ANKS1B: variants seen among roughly 807,000 people sequenced by gnomAD.
ANKS1B encodes ankyrin repeat and sterile alpha motif domain containing 1B, also known as ankyrin repeat and sterile alpha motif domain-containing protein 1B.
In ANKS1B, 36 loss-of-function variants were observed where a neutral mutation model predicts 148.3. The ratio of observed to expected loss-of-function variants is 0.24; its 90% CI spans 0.19 to 0.32. ANKS1B has a LOEUF of 0.32. Among genes scored for constraint, ANKS1B ranks in the 10% least tolerant of loss-of-function variants. The probability of loss-of-function intolerance (pLI) is 1.00; values close to 1 mark genes in which losing one functional copy is unlikely to be tolerated. For synonymous variants in ANKS1B, 542 were observed against 560.8 expected (o/e 0.97, Z 0.47); for missense variants, 1,157 against 1,542.6 (o/e 0.75, Z 4.19).
intron 12 of ANKS1B, among the ~76,000 whole-genome samples, chr12:99,248,649 C>T (rs2712642): frequency 0.84 from 127,934 of 152,170 alleles, 54,391 homozygotes; most frequent in East Asian, 1. Flanking sequence ...CAATTCTCTC[C>T]AAAGACTAGA....
chr12:99,663,216 G>A (rs2098486305), intron 8 of ANKS1B, among the ~76,000 whole-genome samples: 1 of 152,074 alleles, frequency 6.6e-6, no homozygotes, highest in South Asian at 2.1e-4. Context: ...TGATAGGTCA[G>A]TGATCATATT....
At chr12:99,816,484 T>C (rs1367850914) in intron 2 of ANKS1B, among the ~76,000 whole-genome samples, 2 of 151,922 alleles carry the variant, frequency 1.3e-5, no homozygotes, top group Middle Eastern at 3.4e-3. Flanking sequence ...TTGGTTTAAT[T>C]AGGTCCCATT....
chr12:98,744,473 G>A lies in ANKS1B; in HGVS notation c.*1266C>T, dbSNP rs933114849. On this transcript the variant is annotated 3_prime_UTR_variant, in exon 27 of 27. Transcript: ENST00000683438. ...TTGTTAGAACAATATACATTAAAAT[G>A]TTATTTTTTTCTATAATGATATTGG... 8 of 682,854 alleles carry A rather than the reference G, an allele frequency of 1.2e-5. No homozygotes were observed. The highest frequency in any genetic ancestry group is 1.2e-4 in the African/African-American group (6 of 51,320). The allele number at this position is 682,854 out of a possible 1,614,324, so 42.3% of individuals were successfully genotyped here.
intron 9 of ANKS1B, among the ~76,000 whole-genome samples, chr12:99,513,225 AT>A (rs2096784373): frequency 6.6e-6 from 1 of 151,988 alleles, no homozygotes; most frequent in Admixed American, 6.6e-5. Context: ...TTAATTAGGT[AT>A]GTACTCTTTT....
intron 14 of ANKS1B, among the ~76,000 whole-genome samples, chr12:99,226,937 G>C (rs2086038236): frequency 6.6e-6 from 1 of 152,182 alleles, no homozygotes; most frequent in African/African-American, 2.4e-5. Flanking sequence ...AGGTAAAATT[G>C]AGTGACAGGG....
chr12:99,506,544 A>AG (rs1463804752), intron 9 of ANKS1B, among the ~76,000 whole-genome samples: 4 of 152,032 alleles, frequency 2.6e-5, no homozygotes, highest in Non-Finnish European at 5.9e-5. Context: ...AAATGATGAA[A>AG]GGAACTGCAG....
At chr12:99,755,016 G>A (rs1052026128) in intron 8 of ANKS1B, among the ~76,000 whole-genome samples, 3 of 151,578 alleles carry the variant, frequency 2.0e-5, no homozygotes, top group African/African-American at 7.3e-5. Context: ...AATTTAAGGA[G>A]ATTGAGACAC....
chr12:99,519,113 G>A (rs1050558107), intron 9 of ANKS1B, among the ~76,000 whole-genome samples: 1 of 152,000 alleles, frequency 6.6e-6, no homozygotes, highest in Non-Finnish European at 1.5e-5. Context: ...TTGGTTGAAT[G>A]TTTTCAAATT....
chr12:98,887,795 T>C (rs2031671213), intron 17 of ANKS1B, among the ~76,000 whole-genome samples: 1 of 152,170 alleles, frequency 6.6e-6, no homozygotes, highest in South Asian at 2.1e-4. Flanking sequence ...ATATTTTTAG[T>C]AGAGACAGGA....
At chr12:99,042,678 AT>A (rs1232905512) in intron 17 of ANKS1B, among the ~76,000 whole-genome samples, 1 of 152,188 alleles carries the variant, frequency 6.6e-6, no homozygotes, top group South Asian at 2.1e-4. Flanking sequence ...ATTGAATGCT[AT>A]TTGCAAAGCA....
chr12:98,962,248 T>C (rs1341518090), intron 17 of ANKS1B, among the ~76,000 whole-genome samples: 1 of 151,124 alleles, frequency 6.6e-6, no homozygotes, highest in Non-Finnish European at 1.5e-5. Flanking sequence ...AAATATACTA[T>C]GCAAATGTAA....
rs182810909 is a variant in ANKS1B, at chr12:99,502,020, T to C, written c.1438+2456A>G. On this transcript the variant is annotated intron_variant, in intron 10 of 26. Coordinates refer to ENST00000683438, the MANE Select transcript of ANKS1B (RefSeq NM_001352186.2). Reference sequence around the variant, plus strand: ...TGATCAGCCTTGTTATCTGTGTCCATGTCATTTTCATCCTTGTATCCTCAG... The same window carrying C: ...TGATCAGCCTTGTTATCTGTGTCCACGTCATTTTCATCCTTGTATCCTCAG... 1.4e-3 allele frequency among the ~76,000 whole-genome samples: 216 copies of C among 152,288 alleles called. 1 individual carries two copies. Among genetic ancestry groups the C allele is most frequent in the South Asian group, 1.5e-3 (7 of 4,818 alleles).
chr12:98,928,883 A>G (rs767294776), intron 17 of ANKS1B, among the ~76,000 whole-genome samples: 2 of 152,018 alleles, frequency 1.3e-5, no homozygotes, highest in Non-Finnish European at 2.9e-5. Flanking sequence ...TTCCCAAGAC[A>G]AAGCTAGCTA....
intron 9 of ANKS1B, among the ~76,000 whole-genome samples, chr12:99,594,230 A>G (rs2153266054): frequency 6.6e-6 from 1 of 152,254 alleles, no homozygotes; most frequent in South Asian, 2.1e-4. Flanking sequence ...GAGGATGAGG[A>G]GAAATTGGAA....
intron 12 of ANKS1B, among the ~76,000 whole-genome samples, chr12:99,286,798 G>A (rs1311369677): frequency 6.6e-6 from 1 of 152,156 alleles, no homozygotes; most frequent in Admixed American, 6.5e-5. Flanking sequence ...GAACAGTGGT[G>A]GCCACAGCGA....
intron 17 of ANKS1B, among the ~76,000 whole-genome samples, chr12:98,928,638 A>C (rs747403918): frequency 1.3e-5 from 2 of 152,034 alleles, no homozygotes; most frequent in Non-Finnish European, 2.9e-5. Flanking sequence ...TACAAACATA[A>C]ATCATAAATC....
chr12:99,286,746 G>A (rs572350633), intron 12 of ANKS1B, among the ~76,000 whole-genome samples: 38 of 152,304 alleles, frequency 2.5e-4, no homozygotes, highest in African/African-American at 8.7e-4. Context: ...TGGGCCTGGA[G>A]CAAACATCAG....
chr12:99,242,535 A>C (rs1190736765), intron 14 of ANKS1B, among the ~76,000 whole-genome samples: 1 of 152,198 alleles, frequency 6.6e-6, no homozygotes, highest in Non-Finnish European at 1.5e-5. Context: ...CAGAATTGGA[A>C]AAACTACTTT....
At chr12:99,427,445 A>G (rs1395524999) in intron 11 of ANKS1B, among the ~76,000 whole-genome samples, 3 of 152,004 alleles carry the variant, frequency 2.0e-5, no homozygotes, top group Non-Finnish European at 4.4e-5. Context: ...GACTCTTTTC[A>G]TGGCTAACTG....
Sources: allele counts gnomAD v4.1 joint callset (sites outside exome capture counted in the v4.1 genomes callset), GRCh38; gene constraint gnomAD v4.1.1; transcripts MANE v1.5; gene names NCBI Gene and HGNC (gene_info 2026-07-23, HGNC 2026-07-21).